The following USP9X variants were observed in gnomAD, a reference collection of about 807,000 sequenced individuals.
USP9X encodes ubiquitin specific peptidase 9 X-linked, also known as ubiquitin carboxyl-terminal hydrolase 9X.
Under a neutral mutation model 190.3 loss-of-function variants are expected in USP9X, and 7 were observed. The observed-to-expected ratio is 0.04, with a 90% CI of 0.02 to 0.07. USP9X has a LOEUF of 0.07. USP9X is among the 10% of genes least tolerant of loss of function. USP9X has a pLI of 1.00. For synonymous variants in USP9X, 645 were observed against 659.5 expected (o/e 0.98, Z 0.34); for missense variants, 1,010 against 1,916.9 (o/e 0.53, Z 8.83).
intron 1 of USP9X, among the ~76,000 whole-genome samples, chrX:41,099,093 A>ATTTTTTTTTT (rs1569147006): frequency 3.2e-4 from 15 of 47,314 alleles, no homozygotes; most frequent in Non-Finnish European, 5.1e-4. Flanking sequence ...TGCCCAGATA[A>ATTTTTTTTTT]TTGTTTTTTT....
Position 41,165,861 on chromosome X carries a change from G to C in USP9X, c.1986-11G>C. The C allele has an allele frequency of 1.7e-6, 2 of 1,198,966 alleles. No homozygotes were observed. The highest frequency in any genetic ancestry group is 4.7e-4 in the Middle Eastern group (2 of 4,276). ...ATAAATCTAATTGCCAATTTTCAAT[G>C]TTTTTTCAAGATTTTTATTGAAGGA... On this transcript the variant is annotated splice_polypyrimidine_tract_variant and intron_variant, in intron 15 of 44. Coordinates refer to ENST00000378308, the MANE Select transcript of USP9X (RefSeq NM_001039591.3).
chrX:41,126,958 A>G (rs1008929974), intron 2 of USP9X, among the ~76,000 whole-genome samples: 2 of 110,819 alleles, frequency 1.8e-5, no homozygotes, highest in African/African-American at 6.6e-5. Context: ...ATGTAGTAAA[A>G]CTCGATAAAT....
At chrX:41,108,984 G>T (rs1393662479) in intron 1 of USP9X, among the ~76,000 whole-genome samples, 2 of 111,449 alleles carry the variant, frequency 1.8e-5, no homozygotes, top group African/African-American at 3.3e-5. Flanking sequence ...GAGAAATGCT[G>T]CCTGCCTTTA....
Position 41,201,211 on chromosome X carries a change from T to C in USP9X, c.4755T>C (p.Ile1585=), listed in dbSNP as rs767478091. Reference sequence around the variant, plus strand: ...TGATTCCTTCCATTAGGAACGGTATTCTTGCCATTGAAGGCACAGGTAGTG... The same window carrying C: ...TGATTCCTTCCATTAGGAACGGTATCCTTGCCATTGAAGGCACAGGTAGTG... ...LYMIPSIRNG[I]LAIEGTGSDV... Residue 1585 remains isoleucine, a synonymous_variant, in exon 31 of 45, where the codon ATT becomes ATC. Transcript: ENST00000378308. 4.1e-6 allele frequency: 5 copies of C among 1,209,914 alleles called. No homozygotes were observed. The African/African-American group carries it at 7.0e-5, about 17-fold the overall frequency.
chrX:41,105,590 A>C lies in USP9X; in HGVS notation c.-158-17881A>C, dbSNP rs2079252093. 4.5e-5 allele frequency among the ~76,000 whole-genome samples: 5 copies of C among 112,201 alleles called. No homozygotes were observed. The Admixed American group carries it at 4.7e-4, about 11-fold the overall frequency. On this transcript the variant is annotated intron_variant, in intron 1 of 44. Coordinates refer to ENST00000378308, the MANE Select transcript of USP9X (RefSeq NM_001039591.3). ...CTTCCACATTTTGGCTATTGTGACT[A>C]ATGCCGCTATGAACATGGGTGTACA...
rs989047229 is a variant in USP9X at position 41,104,833 on chromosome X, C to T, written c.-158-18638C>T. On this transcript the variant is annotated intron_variant, in intron 1 of 44. Transcript: ENST00000378308. ...CTGGAGTTAGAACATCATCTGTTGT[C>T]GGCCTGTCTGCTATGTTGCAGTATA... Among the ~76,000 whole-genome samples the T allele has an allele frequency of 4.5e-5, 5 of 111,170 alleles. No homozygotes were observed. In the South Asian group the frequency reaches 1.5e-3, roughly 33 times the overall value.
At chrX:41,129,196 C>T in intron 3 of USP9X, 51 bp downstream of exon 3, 1 of 1,139,550 alleles carries the variant, frequency 8.8e-7, no homozygotes, top group Non-Finnish European at 1.2e-6. Flanking sequence ...AAAGTAACCC[C>T]ACTGCCTCCT....
intron 21 of USP9X, among the ~76,000 whole-genome samples, chrX:41,178,114 T>G (rs1456694420): frequency 2.6e-5 from 2 of 75,882 alleles, no homozygotes; most frequent in African/African-American, 9.2e-5. Flanking sequence ...TTTTTTTTTT[T>G]GAGACGGAGA....
In USP9X at chrX:41,136,829, G is replaced by A. The variant is rs367760990; in HGVS notation, c.461G>A (p.Arg154His). Reference protein sequence around the residue: ...IHRCIINNTHRLVELCVAKLS... With the variant: ...IHRCIINNTHHLVELCVAKLS... ...AGGTGTATTATTAACAATACTCATC[G>A]TCTGGTGGAGCTATGTGTGGCCAAG... Residue 154 changes from arginine to histidine, a missense_variant, in exon 6 of 45, where the codon CGT becomes CAT. Coordinates refer to ENST00000378308, the MANE Select transcript of USP9X (RefSeq NM_001039591.3). 1.7e-5 allele frequency: 21 copies of A among 1,208,780 alleles called. No individual in the cohort carries two copies. The highest frequency in any genetic ancestry group is 2.0e-5 in the Non-Finnish European group (18 of 894,306).
At chrX:41,086,519 C>G (rs2061913219) in intron 1 of USP9X, among the ~76,000 whole-genome samples, 1 of 112,369 alleles carries the variant, frequency 8.9e-6, no homozygotes, top group Admixed American at 9.3e-5. Flanking sequence ...GCTTTCCTAC[C>G]CGGTCTGGTT....
intron 1 of USP9X, among the ~76,000 whole-genome samples, chrX:41,099,725 A>T (rs184698079): frequency 8.9e-6 from 1 of 112,066 alleles, no homozygotes; most frequent in East Asian, 2.8e-4. Context: ...TTGGCTGGTC[A>T]TGGTGGCTCA....
intron 21 of USP9X, among the ~76,000 whole-genome samples, chrX:41,172,931 G>C (rs993683654): frequency 1.8e-5 from 2 of 111,437 alleles, no homozygotes; most frequent in African/African-American, 3.3e-5. Flanking sequence ...TTATCCTTAC[G>C]TTTTGAAATA....
intron 31 of USP9X, among the ~76,000 whole-genome samples, chrX:41,203,553 G>A (rs985115741): frequency 8.9e-6 from 1 of 111,750 alleles, no homozygotes; most frequent in Non-Finnish European, 1.9e-5. Context: ...GGACATTTGG[G>A]TTGCTTCCCC....
At chrX:41,206,376 A>G (rs1204182727) in intron 32 of USP9X, among the ~76,000 whole-genome samples, 1 of 112,110 alleles carries the variant, frequency 8.9e-6, no homozygotes, top group Non-Finnish European at 1.9e-5. Flanking sequence ...ACTGGTTTTT[A>G]CTGATATTTT....
At chrX:41,191,854 A>T (rs1380759777) in intron 26 of USP9X, among the ~76,000 whole-genome samples, 9 of 112,127 alleles carry the variant, frequency 8.0e-5, no homozygotes, top group African/African-American at 2.9e-4. Flanking sequence ...TTTGTGCAGG[A>T]TGTAGCATGT....
chrX:41,210,349 T>G (rs375468629), intron 32 of USP9X, among the ~76,000 whole-genome samples, 160 bp from the exon 33 acceptor site: 1 of 112,533 alleles, frequency 8.9e-6, no homozygotes, highest in African/African-American at 3.2e-5. Context: ...GAAAGCACAT[T>G]CTTTTTTTCC....
chrX:41,229,731 T>A lies in USP9X; in HGVS notation c.7383T>A (p.His2461Gln), dbSNP rs749252352. 1 of 1,210,383 alleles carries A rather than the reference T, an allele frequency of 8.3e-7. No individual in the cohort carries two copies. Among genetic ancestry groups the A allele is most frequent in the South Asian group, 1.8e-5 (1 of 56,875 alleles). The change falls in exon 43 of 45, where the codon CAT becomes CAA. Residue 2461 changes from histidine to glutamine, a missense_variant. His to Gln is a conservative substitution (Grantham distance 24, BLOSUM62 0). Around this residue, in one of 11 missense-constraint regions of USP9X, gnomAD observed 20 missense variants for 59.3 expected, o/e 0.34. Coordinates refer to ENST00000378308, the MANE Select transcript of USP9X (RefSeq NM_001039591.3). ...TSNGYFLERS[H>Q]SARMTLAKAC... ...ATGGTTATTTCTTGGAGAGATCACA[T>A]AGTGCTAGGATGACACTTGCAAAAG...
intron 11 of USP9X, 37 bp from the exon 12 acceptor site, chrX:41,148,329 TAAA>T: frequency 8.4e-7 from 1 of 1,191,167 alleles, no homozygotes; most frequent in Non-Finnish European, 1.1e-6. Flanking sequence ...AAGTGGTGAC[TAAA>T]TATGTGTTGT....
intron 1 of USP9X, among the ~76,000 whole-genome samples, chrX:41,102,276 T>C (rs2062039809): frequency 8.9e-6 from 1 of 111,917 alleles, no homozygotes; most frequent in Non-Finnish European, 1.9e-5. Context: ...TTAACCAATC[T>C]GGTTTTGGAA....
Sources: gnomAD v4.1 joint callset for allele counts (sites outside exome capture counted in the v4.1 genomes callset) on GRCh38, gnomAD v4.1.1 for gene constraint, gnomAD v4.1.1 regional missense constraint, MANE v1.5 for transcripts, NCBI Gene and HGNC (gene_info 2026-07-23, HGNC 2026-07-21) for gene names.